The following ARHGEF7 variants were observed in gnomAD, a reference collection of about 807,000 sequenced individuals.
ARHGEF7 encodes Rho guanine nucleotide exchange factor 7, also known as PAK-interacting exchange factor beta.
In ARHGEF7, 33 loss-of-function variants were observed where a neutral mutation model predicts 109.8. The ratio of observed to expected loss-of-function variants is 0.30; its 90% CI spans 0.23 to 0.40. The LOEUF is 0.40. Ranked by LOEUF, ARHGEF7 falls within the 10% of genes least tolerant of loss-of-function variation. The probability of loss-of-function intolerance (pLI) is 1.00; values close to 1 mark genes in which losing one functional copy is unlikely to be tolerated. For synonymous variants in ARHGEF7, 458 were observed against 424.6 expected, an observed-to-expected ratio of 1.08 and a Z score of -0.97; for missense variants, 938 against 1,098.5, an observed-to-expected ratio of 0.85 and a Z score of 2.07.
intron 2 of ARHGEF7, among the ~76,000 whole-genome samples, chr13:111,199,481 T>A (rs1238654730): frequency 6.6e-6 from 1 of 152,186 alleles, no homozygotes; most frequent in Non-Finnish European, 1.5e-5. Context: ...GACTATAAGC[T>A]CCCTGATGTT....
Position 111,243,917 on chromosome 13 carries a change from C to A in ARHGEF7, c.805C>A (p.Leu269Ile), listed in dbSNP as rs781359752. 5.6e-6 allele frequency: 9 copies of A among 1,613,148 alleles called. No homozygotes were observed. In the African/African-American group the frequency reaches 1.1e-4, roughly 19 times the overall value. Residue 269 changes from leucine (L) to isoleucine (I), a missense_variant, in exon 7 of 22, where the codon CTT becomes ATT. Around this residue, in one of 4 missense-constraint regions of ARHGEF7, gnomAD observed 585 missense variants for 723.6 expected, o/e 0.81. Coordinates refer to ENST00000646102, the MANE Select transcript of ARHGEF7 (RefSeq NM_001354046.2). ...LETENEYSKE[L>I]QTVLSTYLRP... ...AACAGAAAATGAATATTCTAAAGAACTTCAGACTGTGCTTTCAACGTACCT... is the reference window on the plus strand; with the variant it reads ...AACAGAAAATGAATATTCTAAAGAAATTCAGACTGTGCTTTCAACGTACCT...
intron 1 of ARHGEF7, among the ~76,000 whole-genome samples, chr13:111,147,594 T>C (rs969503450): frequency 3.9e-5 from 6 of 152,204 alleles, no homozygotes; most frequent in African/African-American, 1.4e-4. Context: ...TGCCCTTTTT[T>C]ACTCGCCATC....
At chr13:111,251,488 C>CT (rs1291012304) in intron 8 of ARHGEF7, among the ~76,000 whole-genome samples, 1 of 152,098 alleles carries the variant, frequency 6.6e-6, no homozygotes, top group East Asian at 1.9e-4. Context: ...ACCGTATGCT[C>CT]TGTGATGAGT....
intron 2 of ARHGEF7, among the ~76,000 whole-genome samples, chr13:111,176,270 G>A (rs1164264): frequency 0.99 from 151,326 of 152,356 alleles, 75,155 homozygotes; most frequent in Middle Eastern, 1. Context: ...CATAGAAAAT[G>A]CGACCATTGC....
Position 111,228,876 on chromosome 13 carries a change from A to C in ARHGEF7, c.671-4329A>C, listed in dbSNP as rs962082829. On this transcript the variant is annotated intron_variant, in intron 5 of 21. Coordinates refer to ENST00000646102, the MANE Select transcript of ARHGEF7 (RefSeq NM_001354046.2). This position sits in a 1 kb window ranked among gnomAD's most constrained non-coding sequence, Gnocchi z 4.6. ...GCTCTGGTGGTTGAAGCCAGCGGTG[A>C]TGATTAACTCTGGACTTTGCTGGGT... 6.6e-6 allele frequency among the ~76,000 whole-genome samples: 1 copy of C among 152,040 alleles called. No individual in the cohort carries two copies. Among genetic ancestry groups the C allele is most frequent in the Non-Finnish European group, 1.5e-5 (1 of 68,008 alleles).
chr13:111,235,145 C>T (rs1251125193), intron 6 of ARHGEF7, among the ~76,000 whole-genome samples: 1 of 152,146 alleles, frequency 6.6e-6, no homozygotes, highest in Non-Finnish European at 1.5e-5. Flanking sequence ...CAGTGAGATT[C>T]CAAAGGGTGT....
intron 5 of ARHGEF7, among the ~76,000 whole-genome samples, chr13:111,229,576 A>G (rs1421176889): frequency 6.6e-6 from 1 of 151,874 alleles, no homozygotes; most frequent in Non-Finnish European, 1.5e-5. Flanking sequence ...TCTTATTTCT[A>G]CTTTGGGGAA....
intron 1 of ARHGEF7, among the ~76,000 whole-genome samples, chr13:111,149,391 AATC>A (rs1198007036): frequency 4.6e-5 from 7 of 152,224 alleles, no homozygotes; most frequent in Admixed American, 1.3e-4. Context: ...TTCAGAAAAA[AATC>A]ATAGCAATTA....
chr13:111,284,176 C>T (rs528056204), intron 16 of ARHGEF7, among the ~76,000 whole-genome samples: 4 of 152,110 alleles, frequency 2.6e-5, no homozygotes, highest in Non-Finnish European at 4.4e-5. Flanking sequence ...CAGCAGTGCC[C>T]GTTGGTGGGG....
chr13:111,248,710 A>G (rs934447880), intron 8 of ARHGEF7, among the ~76,000 whole-genome samples: 57 of 152,198 alleles, frequency 3.7e-4, no homozygotes, highest in African/African-American at 1.4e-3. Context: ...AAAAGTGTTT[A>G]GTTCTCTGCT....
At chr13:111,281,739 A>G (rs982371281) in intron 15 of ARHGEF7, among the ~76,000 whole-genome samples, 6 of 152,092 alleles carry the variant, frequency 3.9e-5, no homozygotes, top group Admixed American at 3.3e-4. Flanking sequence ...ACTTCATACA[A>G]TTTTATATCA....
intron 1 of ARHGEF7, among the ~76,000 whole-genome samples, chr13:111,118,570 C>T (rs1196155367): frequency 6.6e-6 from 1 of 152,120 alleles, no homozygotes; most frequent in Non-Finnish European, 1.5e-5. Flanking sequence ...CCCATGTCTT[C>T]GGCTTCCCAC....
At position 111,293,776 on chromosome 13, in the gene ARHGEF7, C is replaced by G. The variant is rs575871058; in HGVS notation, c.2311+1482C>G. ...GTGGCCGTGATTTCTTTCTTCCCCA[C>G]TGCCCACTCCTTCGCCAAACCCACG... On this transcript the variant is annotated intron_variant, in intron 19 of 21. Coordinates refer to ENST00000646102, the MANE Select transcript of ARHGEF7 (RefSeq NM_001354046.2). 383 of 985,424 alleles carry G rather than the reference C, an allele frequency of 3.9e-4. No homozygotes were observed. The African/African-American group carries it at 5.9e-3, about 15-fold the overall frequency. The allele number at this position is 985,424 out of a possible 1,614,324, so 61.0% of individuals were successfully genotyped here.
rs1248087449 is a variant in ARHGEF7, at chr13:111,266,607, T to A, written c.951-941T>A. 6.6e-6 allele frequency among the ~76,000 whole-genome samples: 1 copy of A among 152,226 alleles called. No homozygotes were observed. The highest frequency in any genetic ancestry group is 1.5e-5 in the Non-Finnish European group (1 of 68,028). On this transcript the variant is annotated intron_variant, in intron 8 of 21. Transcript: ENST00000646102. This position sits in a 1 kb window ranked among gnomAD's most constrained non-coding sequence, Gnocchi z 4.8. Reference sequence around the variant, plus strand: ...CTTCTTATAATTAAGGTTGGCACACTAAAAGCACTTTGGAAGTGCTGTCCG... The same window carrying A: ...CTTCTTATAATTAAGGTTGGCACACAAAAAGCACTTTGGAAGTGCTGTCCG...
chr13:111,116,099 G>C (rs2066751235), intron 1 of ARHGEF7, among the ~76,000 whole-genome samples: 1 of 152,210 alleles, frequency 6.6e-6, no homozygotes, highest in South Asian at 2.1e-4. Flanking sequence ...TGTGTGGACA[G>C]TTCTTGCCGG....
At chr13:111,153,794 CG>C in intron 1 of ARHGEF7, 110 bp from the exon 2 acceptor site, 1 of 1,397,002 alleles carries the variant, frequency 7.2e-7, no homozygotes, top group Non-Finnish European at 9.2e-7. Context: ...GGGGGCCGCT[CG>C]CCAGCGTCGC....
intron 2 of ARHGEF7, among the ~76,000 whole-genome samples, chr13:111,192,580 G>C (rs1460138877): frequency 1.3e-5 from 2 of 152,220 alleles, no homozygotes; most frequent in African/African-American, 4.8e-5. Flanking sequence ...ATGGGCAAAA[G>C]AGTAGGCTAT....
chr13:111,280,962 A>AT (rs2092743056), intron 15 of ARHGEF7: 2 of 276,836 alleles, frequency 7.2e-6, no homozygotes, highest in Non-Finnish European at 1.3e-5. Context: ...TAGAAGACTG[A>AT]TTTAGGGGAG....
chr13:111,185,960 TC>T (rs1663472553), intron 2 of ARHGEF7, among the ~76,000 whole-genome samples: 1 of 63,934 alleles, frequency 1.6e-5, no homozygotes, highest in Non-Finnish European at 4.1e-5. Flanking sequence ...TTTTGGGAGC[TC>T]GTGTGTGTGT....
Sources: allele counts gnomAD v4.1 joint callset (sites outside exome capture counted in the v4.1 genomes callset), GRCh38; gene constraint gnomAD v4.1.1; regional missense constraint gnomAD v4.1.1; non-coding constraint Gnocchi (gnomAD v3.1); transcripts MANE v1.5; gene names NCBI Gene and HGNC (gene_info 2026-07-23, HGNC 2026-07-21).